The following TRAPPC9 variants were observed in gnomAD, a reference collection of about 807,000 sequenced individuals.
TRAPPC9 encodes trafficking protein particle complex subunit 9, also known as IKK2 binding protein.
Under a neutral mutation model 124.0 loss-of-function variants are expected in TRAPPC9, and 83 were observed. The ratio of observed to expected loss-of-function variants is 0.67; its 90% CI spans 0.56 to 0.80. TRAPPC9 has a LOEUF of 0.80. TRAPPC9 is among the 30% of genes least tolerant of loss of function. TRAPPC9 has a pLI of 0.00. For synonymous variants in TRAPPC9, 638 were observed against 617.5 expected (o/e 1.03, Z -0.49); for missense variants, 1,302 against 1,508.3 (o/e 0.86, Z 2.27).
chr8:140,025,018 C>G (rs576430331), intron 17 of TRAPPC9, among the ~76,000 whole-genome samples: 1 of 152,198 alleles, frequency 6.6e-6, no homozygotes, highest in East Asian at 1.9e-4. Context: ...CTGCTGGGGC[C>G]CAGCGGTACC....
intron 17 of TRAPPC9, among the ~76,000 whole-genome samples, chr8:140,033,660 T>TTTTTGTTTTTTTTTTTTG (rs1416227091): frequency 4.1e-4 from 9 of 21,714 alleles, no homozygotes; most frequent in Middle Eastern, 0.013. Context: ...ATAATGTGGT[T>TTTTTGTTTTTTTTTTTTG]TTTTTTTTTT....
chr8:140,360,226 G>T (rs1305542624), intron 8 of TRAPPC9, 33 bp from the exon 9 acceptor site: 2 of 1,613,686 alleles, frequency 1.2e-6, no homozygotes, highest in Admixed American at 3.3e-5. Flanking sequence ...TCACAAAAGT[G>T]CTTGGAGAGG....
chr8:140,230,411 C>T (rs2063563605), intron 16 of TRAPPC9, among the ~76,000 whole-genome samples: 1 of 152,080 alleles, frequency 6.6e-6, no homozygotes, highest in Non-Finnish European at 1.5e-5. Flanking sequence ...GAGTTCAAGA[C>T]CAGCCTGACC....
chr8:140,343,559 C>T (rs2067255161), intron 9 of TRAPPC9, among the ~76,000 whole-genome samples: 1 of 152,188 alleles, frequency 6.6e-6, no homozygotes, highest in African/African-American at 2.4e-5. Flanking sequence ...ATTTCACTTC[C>T]TAACCAGTCA....
intron 9 of TRAPPC9, among the ~76,000 whole-genome samples, chr8:140,337,714 A>G (rs2067080873): frequency 6.6e-6 from 1 of 152,174 alleles, no homozygotes; most frequent in South Asian, 2.1e-4. Context: ...TGGGCACGTG[A>G]TCAGCGGTGC....
At chr8:140,447,284 T>C (rs2132680689) in intron 2 of TRAPPC9, among the ~76,000 whole-genome samples, 1 of 152,128 alleles carries the variant, frequency 6.6e-6, no homozygotes, top group East Asian at 1.9e-4. Flanking sequence ...AAAGCTAAAA[T>C]TAAAAAACAT....
intron 15 of TRAPPC9, among the ~76,000 whole-genome samples, chr8:140,272,861 AC>A (rs1302363912): frequency 1.4e-5 from 2 of 142,576 alleles, no homozygotes; most frequent in South Asian, 5.1e-4. Flanking sequence ...ATGACCCAAA[AC>A]CCCCCACCAG....
intron 21 of TRAPPC9, among the ~76,000 whole-genome samples, chr8:139,826,621 G>A (rs892828712): frequency 2.0e-5 from 3 of 152,204 alleles, no homozygotes; most frequent in Non-Finnish European, 2.9e-5. Flanking sequence ...AGGGCTCGGC[G>A]ATGGACAGGA....
Position 139,919,913 on chromosome 8 carries a change from G to A in TRAPPC9, c.2811-9613C>T, listed in dbSNP as rs116245216. On this transcript the variant is annotated intron_variant, in intron 19 of 22. Coordinates refer to ENST00000438773, the MANE Select transcript of TRAPPC9 (RefSeq NM_001160372.4). Reference sequence around the variant, plus strand: ...CTCCAGGCGCGGCATGGCACTGCCCGGACCCTTCCGCCTAGTGCTGGAACC... The same window carrying A: ...CTCCAGGCGCGGCATGGCACTGCCCAGACCCTTCCGCCTAGTGCTGGAACC... 7.5e-3 allele frequency among the ~76,000 whole-genome samples: 1,143 copies of A among 152,272 alleles called. 20 individuals are homozygous for A. The highest frequency in any genetic ancestry group is 0.026 in the African/African-American group (1,075 of 41,550).
rs1033629169 is a variant in TRAPPC9, at chr8:140,456,843, T to C, written c.-11+796A>G. 10 of 985,166 alleles carry C rather than the reference T, an allele frequency of 1.0e-5. No individual in the cohort carries two copies. In the South Asian group the frequency reaches 3.8e-4, roughly 37 times the overall value. The allele number at this position is 985,166 out of a possible 1,614,324, so 61.0% of individuals were successfully genotyped here. A position where few individuals can be genotyped will look rare whatever the true frequency, so the allele number is the denominator to read the frequency against. On this transcript the variant is annotated intron_variant, in intron 1 of 22. Transcript: ENST00000438773. ...TCCAGCGTTTTAATTCCTCTCTCTA[T>C]AGAAACATTTGAAGACAGACAACGC...
At chr8:139,881,825 C>T (rs1587083906) in intron 21 of TRAPPC9, among the ~76,000 whole-genome samples, 4 of 152,348 alleles carry the variant, frequency 2.6e-5, no homozygotes, top group African/African-American at 9.6e-5. Flanking sequence ...TCGCTGAAAG[C>T]AAGAAAAACA....
chr8:140,195,960 ACT>A (rs1231174752), intron 17 of TRAPPC9, among the ~76,000 whole-genome samples: 1 of 144,140 alleles, frequency 6.9e-6, no homozygotes, highest in East Asian at 2.0e-4. Flanking sequence ...ATTAAAACAC[ACT>A]CAACTATCCA....
At chr8:139,970,645 C>T (rs1835999436) in intron 19 of TRAPPC9, among the ~76,000 whole-genome samples, 1 of 152,166 alleles carries the variant, frequency 6.6e-6, no homozygotes. Flanking sequence ...TTCCAGGTGC[C>T]TTACAGGGTT....
intron 21 of TRAPPC9, among the ~76,000 whole-genome samples, chr8:139,736,656 T>C (rs1352980517): frequency 6.6e-6 from 1 of 151,478 alleles, no homozygotes; most frequent in Non-Finnish European, 1.5e-5. Flanking sequence ...GGAAATGTGG[T>C]GGAAACGGGT....
At chr8:139,918,952 G>A (rs908877794) in intron 19 of TRAPPC9, among the ~76,000 whole-genome samples, 3 of 152,094 alleles carry the variant, frequency 2.0e-5, no homozygotes, top group African/African-American at 7.2e-5. Flanking sequence ...GGCCCGCTGG[G>A]TCCAAACAGC....
intron 21 of TRAPPC9, among the ~76,000 whole-genome samples, chr8:139,775,204 G>A (rs975651552): frequency 2.6e-5 from 4 of 152,152 alleles, no homozygotes; most frequent in African/African-American, 7.2e-5. Context: ...TCCACAACAG[G>A]TGGGAGGACC....
chr8:140,247,921 A>G (rs1158242121), intron 16 of TRAPPC9, among the ~76,000 whole-genome samples: 1 of 152,084 alleles, frequency 6.6e-6, no homozygotes, highest in Non-Finnish European at 1.5e-5. Flanking sequence ...ATTCAGATTT[A>G]TGTTATTCTT....
chr8:140,364,117 C>T (rs2068033567), intron 8 of TRAPPC9, among the ~76,000 whole-genome samples: 1 of 151,766 alleles, frequency 6.6e-6, no homozygotes, highest in Non-Finnish European at 1.5e-5. Context: ...AGAGTGTCCC[C>T]GAAGGAGGCA....
At position 139,729,505 on chromosome 8, in the gene TRAPPC9, A is replaced by C. The variant is rs765034151; in HGVS notation, c.*1556T>G. Reference sequence around the variant, plus strand: ...CTGCCTTCCCTGGGGAGCCTCGAGCAGATGCTGAATGAGCTCCAGGAACTG... The same window carrying C: ...CTGCCTTCCCTGGGGAGCCTCGAGCCGATGCTGAATGAGCTCCAGGAACTG... On this transcript the variant is annotated 3_prime_UTR_variant, in exon 23 of 23. Coordinates refer to ENST00000438773, the MANE Select transcript of TRAPPC9 (RefSeq NM_001160372.4). Among the ~76,000 whole-genome samples, 18 of 152,192 alleles carry C rather than the reference A, an allele frequency of 1.2e-4. No individual in the cohort carries two copies. The highest frequency in any genetic ancestry group is 1.9e-4 in the Non-Finnish European group (13 of 68,026).
Sources: gnomAD v4.1 joint callset for allele counts (sites outside exome capture counted in the v4.1 genomes callset) on GRCh38, gnomAD v4.1.1 for gene constraint, MANE v1.5 for transcripts, NCBI Gene and HGNC (gene_info 2026-07-23, HGNC 2026-07-21) for gene names.